PDZD2: variants seen among roughly 807,000 people sequenced by gnomAD.
PDZD2 encodes PDZ domain containing 2, also known as PDZ domain-containing protein 2.
Under a neutral mutation model 220.7 loss-of-function variants are expected in PDZD2, and 90 were observed. The observed-to-expected ratio is 0.41, with a 90% CI of 0.34 to 0.49. PDZD2 has a LOEUF of 0.49. Ranked by LOEUF, PDZD2 falls within the 20% of genes least tolerant of loss-of-function variation. The pLI is 0.28. For synonymous variants in PDZD2, 1,375 were observed against 1,450.5 expected, an observed-to-expected ratio of 0.95 and a Z score of 1.18; for missense variants, 3,174 against 3,608.5, an observed-to-expected ratio of 0.88 and a Z score of 3.08.
At chr5:31,987,834 C>T (rs1410940541) in intron 3 of PDZD2, among the ~76,000 whole-genome samples, 6 of 152,096 alleles carry the variant, frequency 3.9e-5, no homozygotes, top group Non-Finnish European at 1.5e-5. Context: ...CCTGGGAAAC[C>T]CTCCGTCCTA....
intron 23 of PDZD2, 116 bp from the exon 24 acceptor site, chr5:32,100,989 G>A: frequency 1.3e-6 from 2 of 1,595,164 alleles, no homozygotes; most frequent in Non-Finnish European, 1.7e-6. Flanking sequence ...AGGGTAGATG[G>A]GACTTGAGTG....
At chr5:32,033,690 G>A (rs1345305327) in intron 6 of PDZD2, among the ~76,000 whole-genome samples, 1 of 151,734 alleles carries the variant, frequency 6.6e-6, no homozygotes, top group African/African-American at 2.4e-5. Flanking sequence ...CGCGATCTCG[G>A]CTCACTGCAA....
chr5:32,064,301 G>T (rs193059406), intron 14 of PDZD2, among the ~76,000 whole-genome samples: 196 of 151,868 alleles, frequency 1.3e-3, no homozygotes, highest in Admixed American at 2.0e-3. Context: ...GAGTGCAGTG[G>T]TGCAGTCTCA....
At chr5:31,807,707 C>A (rs1754822014) in intron 2 of PDZD2, among the ~76,000 whole-genome samples, 1 of 152,112 alleles carries the variant, frequency 6.6e-6, no homozygotes, top group South Asian at 2.1e-4. Flanking sequence ...AGAACCGGGT[C>A]CCGGAGCCTG....
chr5:32,006,642 A>G lies in PDZD2; in HGVS notation c.1255-3688A>G, dbSNP rs915353099. Among the ~76,000 whole-genome samples the G allele has an allele frequency of 1.7e-4, 26 of 150,110 alleles. No individual in the cohort carries two copies. In the East Asian group the frequency reaches 4.5e-3, roughly 26 times the overall value. On this transcript the variant is annotated intron_variant, in intron 5 of 24. Transcript: ENST00000438447. ...TCTGCCTACCTAGGACTCCCAAGGT[A>G]ATGGGATTACAGGCATGAACCACTG...
intron 23 of PDZD2, chr5:32,100,796 TAAC>T: frequency 9.9e-7 from 1 of 1,009,352 alleles, no homozygotes; most frequent in Non-Finnish European, 1.4e-6. Context: ...GTGGGGGGCT[TAAC>T]AAGAGCACTT....
intron 7 of PDZD2, among the ~76,000 whole-genome samples, chr5:32,046,066 C>T (rs1304055030): frequency 6.6e-6 from 1 of 152,022 alleles, no homozygotes; most frequent in East Asian, 1.9e-4. Flanking sequence ...TATGTATATA[C>T]ATGTACACAC....
At chr5:31,775,664 C>CATGTGTGT in intron 1 of PDZD2, among the ~76,000 whole-genome samples, 1 of 135,472 alleles carries the variant, frequency 7.4e-6, no homozygotes, top group East Asian at 2.2e-4. Context: ...ACTCACAGAG[C>CATGTGTGT]GTGTGTGTGT....
chr5:32,044,303 C>G (rs554368735), intron 7 of PDZD2, among the ~76,000 whole-genome samples: 1 of 151,982 alleles, frequency 6.6e-6, no homozygotes, highest in African/African-American at 2.4e-5. Context: ...CACTGCAGCC[C>G]GGGCAACACC....
At chr5:31,875,017 T>C (rs912238192) in intron 2 of PDZD2, among the ~76,000 whole-genome samples, 8 of 152,224 alleles carry the variant, frequency 5.3e-5, no homozygotes, top group African/African-American at 1.9e-4. Flanking sequence ...GATAAGCATG[T>C]GCATTTTTAT....
rs140415640 is a variant in PDZD2 at position 32,000,479 on chromosome 5, GTTTGTTTTTGTT to G, written c.1254+242_1254+253del. ...TTAGTTACTTGGCTTTCCTTAAGAAGTTTGTTTTTGTTTTTGTTTTTGTTTTTGTTTTTGTTT... is the reference window on the plus strand; with the variant it reads ...TTAGTTACTTGGCTTTCCTTAAGAAGTTTGTTTTTGTTTTTGTTTTTGTTT... On this transcript the variant is annotated intron_variant, in intron 5 of 24. Coordinates refer to ENST00000438447, the MANE Select transcript of PDZD2 (RefSeq NM_178140.4). The surrounding 1 kb of genome is among the most constrained non-coding windows in gnomAD (Gnocchi z 4.5). Among the ~76,000 whole-genome samples, 104,806 of 150,216 alleles carry G rather than the reference GTTTGTTTTTGTT, an allele frequency of 0.7. 40,427 individuals carry two copies. The highest frequency in any genetic ancestry group is 0.88 in the Non-Finnish European group (59,671 of 67,678).
At chr5:31,991,111 C>T (rs770185552) in intron 3 of PDZD2, among the ~76,000 whole-genome samples, 6 of 152,124 alleles carry the variant, frequency 3.9e-5, no homozygotes, top group African/African-American at 1.4e-4. Flanking sequence ...TACAGAGGTT[C>T]GCATATGCCA....
At chr5:31,807,283 G>A (rs13184489) in intron 2 of PDZD2, among the ~76,000 whole-genome samples, 23,112 of 152,156 alleles carry the variant, frequency 0.15, 1,902 homozygotes, top group Middle Eastern at 0.21. Context: ...CAAAGAATGC[G>A]GGCCTCGGAG....
chr5:31,987,906 A>G (rs1443916432), intron 3 of PDZD2, among the ~76,000 whole-genome samples: 1 of 152,160 alleles, frequency 6.6e-6, no homozygotes, highest in Non-Finnish European at 1.5e-5. Context: ...GCCTTCTGCC[A>G]TGTCTGGTCA....
intron 2 of PDZD2, among the ~76,000 whole-genome samples, chr5:31,907,628 G>A (rs1742774309): frequency 6.6e-6 from 1 of 152,176 alleles, no homozygotes; most frequent in South Asian, 2.1e-4. Context: ...ATACAGATGA[G>A]AGAGGACACT....
chr5:31,771,863 A>AT (rs929956714), intron 1 of PDZD2, among the ~76,000 whole-genome samples: 11 of 152,038 alleles, frequency 7.2e-5, no homozygotes, highest in African/African-American at 2.7e-4. Flanking sequence ...TTAGGCCTCA[A>AT]TTTTTTTAAC....
intron 1 of PDZD2, among the ~76,000 whole-genome samples, chr5:31,708,920 C>T (rs889207942): frequency 1.3e-5 from 2 of 151,374 alleles, no homozygotes; most frequent in Admixed American, 1.3e-4. Context: ...TGGAGTCTCA[C>T]TCTGTCGCCC....
intron 2 of PDZD2, among the ~76,000 whole-genome samples, chr5:31,972,877 AT>A (rs1749432525): frequency 6.6e-6 from 1 of 152,188 alleles, no homozygotes; most frequent in Non-Finnish European, 1.5e-5. Flanking sequence ...TAGAGTTCTA[AT>A]TTGATTGTGT....
chr5:31,858,642 C>G (rs1347225904), intron 2 of PDZD2, among the ~76,000 whole-genome samples: 1 of 152,160 alleles, frequency 6.6e-6, no homozygotes, highest in Non-Finnish European at 1.5e-5. Context: ...ATTGTAGAAC[C>G]TAAGGTTGGC....
Sources: allele counts gnomAD v4.1 joint callset (sites outside exome capture counted in the v4.1 genomes callset), GRCh38; gene constraint gnomAD v4.1.1; non-coding constraint Gnocchi (gnomAD v3.1); transcripts MANE v1.5; gene names NCBI Gene and HGNC (gene_info 2026-07-23, HGNC 2026-07-21).